ELAPOR1: variants seen among roughly 807,000 people sequenced by gnomAD.
ELAPOR1 encodes the protein endosome/lysosome-associated apoptosis and autophagy regulator 1.
Under a neutral mutation model 119.7 loss-of-function variants are expected in ELAPOR1, and 77 were observed. The ratio of observed to expected loss-of-function variants is 0.64; its 90% CI spans 0.54 to 0.78. ELAPOR1 has a LOEUF of 0.78. ELAPOR1 is among the 30% of genes least tolerant of loss of function. The pLI, the probability that ELAPOR1 is intolerant of heterozygous loss-of-function variation, is 0.00. For missense variants in ELAPOR1, 1,115 were observed against 1,270.4 expected, an observed-to-expected ratio of 0.88 and a Z score of 1.86; for synonymous variants, 481 against 487.2, an observed-to-expected ratio of 0.99 and a Z score of 0.17.
At chr1:109,137,378 A>G (rs2100991331) in intron 1 of ELAPOR1, among the ~76,000 whole-genome samples, 2 of 151,354 alleles carry the variant, frequency 1.3e-5, no homozygotes, top group South Asian at 4.2e-4. Flanking sequence ...TAATTTTTGT[A>G]TTTTTAGTAG....
chr1:109,137,143 C>A (rs1348315933), intron 1 of ELAPOR1, among the ~76,000 whole-genome samples: 1 of 152,076 alleles, frequency 6.6e-6, no homozygotes, highest in Non-Finnish European at 1.5e-5. Flanking sequence ...AGTTGCAAAC[C>A]CATGTCACTC....
chr1:109,174,751 T>C (rs1652159393), intron 7 of ELAPOR1, among the ~76,000 whole-genome samples: 2 of 151,896 alleles, frequency 1.3e-5, no homozygotes, highest in African/African-American at 4.8e-5. Context: ...AGTCTTTCTC[T>C]GTCGCCCAGG....
At chr1:109,175,771 G>A (rs1652235123) in intron 7 of ELAPOR1, among the ~76,000 whole-genome samples, 1 of 138,574 alleles carries the variant, frequency 7.2e-6, no homozygotes, top group Non-Finnish European at 1.5e-5. Flanking sequence ...AGGTTGCAGT[G>A]AGCAGAGATC....
chr1:109,190,627 C>G, intron 11 of ELAPOR1, among the ~76,000 whole-genome samples: 1 of 152,206 alleles, frequency 6.6e-6, no homozygotes, highest in East Asian at 1.9e-4. Context: ...ATGAATGAAG[C>G]CTGTGTTTGC....
rs950168066 is a variant in ELAPOR1 at position 109,192,474 on chromosome 1, A to G, written c.1684-137A>G. 4 of 938,348 alleles carry G rather than the reference A, an allele frequency of 4.3e-6. No homozygotes were observed. In the African/African-American group the frequency reaches 6.6e-5, roughly 15 times the overall value. 58.1% of individuals were successfully genotyped at this position (938,348 alleles called of 1,614,324 possible). A position where few individuals can be genotyped will look rare whatever the true frequency, so the allele number is the denominator to read the frequency against. Reference sequence around the variant, plus strand: ...ACGAAGAGCTACTGGTAAGTGAGTAAAAAGAGTCAGATGCTTCTCAGATTC... The same window carrying G: ...ACGAAGAGCTACTGGTAAGTGAGTAGAAAGAGTCAGATGCTTCTCAGATTC... On this transcript the variant is annotated intron_variant, in intron 13 of 21. Coordinates refer to ENST00000369939, the MANE Select transcript of ELAPOR1 (RefSeq NM_020775.5).
intron 20 of ELAPOR1, 125 bp downstream of exon 20, chr1:109,200,362 A>T: frequency 8.7e-7 from 1 of 1,144,690 alleles, no homozygotes; most frequent in Non-Finnish European, 1.2e-6. Context: ...TGACTTATCC[A>T]GTGCATGGTT....
chr1:109,131,258 CAGAG>C (rs1175420609), intron 1 of ELAPOR1, among the ~76,000 whole-genome samples: 1 of 152,150 alleles, frequency 6.6e-6, no homozygotes, highest in Admixed American at 6.6e-5. Flanking sequence ...AGCAGGTAAT[CAGAG>C]AGAGAGCAAG....
intron 7 of ELAPOR1, among the ~76,000 whole-genome samples, chr1:109,181,377 A>G (rs1157848742): frequency 1.3e-5 from 2 of 152,152 alleles, no homozygotes; most frequent in Non-Finnish European, 2.9e-5. Context: ...CACTCCCTCA[A>G]CCAAACACAG....
Position 109,144,061 on chromosome 1 carries a change from A to ATTTTTTTTTTTTTTTTTT in ELAPOR1, c.154-17818_154-17817insTTTTTTTTTTTTTTTTTT, listed in dbSNP as rs71069655. On this transcript the variant is annotated intron_variant, in intron 1 of 21. Coordinates refer to ENST00000369939, the MANE Select transcript of ELAPOR1 (RefSeq NM_020775.5). Reference sequence around the variant, plus strand: ...TATATATATATATATATATTTATATATTTTTTTTTTTTTTTGAGATGGAGT... The same window carrying ATTTTTTTTTTTTTTTTTT: ...TATATATATATATATATATTTATATATTTTTTTTTTTTTTTTTTTTTTTTTTTTTTTTTGAGATGGAGT... Among the ~76,000 whole-genome samples the ATTTTTTTTTTTTTTTTTT allele has an allele frequency of 2.0e-3, 180 of 88,950 alleles. 7 individuals carry two copies. Among genetic ancestry groups the ATTTTTTTTTTTTTTTTTT allele is most frequent in the African/African-American group, 4.8e-3 (99 of 20,716 alleles). 58.4% of individuals were successfully genotyped at this position (88,950 alleles called of 152,430 possible). A position where few individuals can be genotyped will look rare whatever the true frequency, so the allele number is the denominator to read the frequency against.
At chr1:109,134,797 G>A (rs1285948995) in intron 1 of ELAPOR1, among the ~76,000 whole-genome samples, 2 of 152,140 alleles carry the variant, frequency 1.3e-5, no homozygotes, top group Non-Finnish European at 2.9e-5. Flanking sequence ...TAGGTGGGAA[G>A]GCTGAAGCTG....
rs367914425 is a variant in ELAPOR1 at position 109,191,339 on chromosome 1, A to G, written c.1440-27A>G. On this transcript the variant is annotated intron_variant, in intron 11 of 21. Transcript: ENST00000369939. ...CAATAAGCACTGCCTGGCCTTTAGAACTGACTTTTAATTTCTGCCCCTACA... is the reference window on the plus strand; with the variant it reads ...CAATAAGCACTGCCTGGCCTTTAGAGCTGACTTTTAATTTCTGCCCCTACA... 7 of 1,549,788 alleles carry G rather than the reference A, an allele frequency of 4.5e-6. No homozygotes were observed. The African/African-American group carries it at 8.2e-5, about 18-fold the overall frequency.
At chr1:109,175,354 C>T (rs1184572601) in intron 7 of ELAPOR1, among the ~76,000 whole-genome samples, 1 of 150,960 alleles carries the variant, frequency 6.6e-6, no homozygotes, top group Non-Finnish European at 1.5e-5. Flanking sequence ...AGGCGTGCAC[C>T]ACCATGCCCA....
At chr1:109,129,116 A>C (rs1179088277) in intron 1 of ELAPOR1, among the ~76,000 whole-genome samples, 1 of 151,822 alleles carries the variant, frequency 6.6e-6, no homozygotes, top group Non-Finnish European at 1.5e-5. Flanking sequence ...TTCCTCTTAT[A>C]GTTTTAATTT....
At chr1:109,145,297 T>C (rs1650106818) in intron 1 of ELAPOR1, among the ~76,000 whole-genome samples, 1 of 152,142 alleles carries the variant, frequency 6.6e-6, no homozygotes, top group African/African-American at 2.4e-5. Flanking sequence ...ACATTTCTGT[T>C]CTTTAAAAAT....
chr1:109,148,185 C>T (rs999782828), intron 1 of ELAPOR1, among the ~76,000 whole-genome samples: 3 of 121,222 alleles, frequency 2.5e-5, no homozygotes, highest in Non-Finnish European at 5.6e-5. Flanking sequence ...GTCACACAGG[C>T]TGGAGTGCAG....
intron 7 of ELAPOR1, among the ~76,000 whole-genome samples, chr1:109,179,259 G>A (rs1001064389): frequency 3.3e-5 from 5 of 151,624 alleles, no homozygotes; most frequent in Admixed American, 6.6e-5. Flanking sequence ...AAAATTGGCC[G>A]GGCATGGTGG....
In ELAPOR1 at chr1:109,194,463, A is replaced by C; in HGVS notation, c.1990A>C (p.Thr664Pro). 6.2e-7 allele frequency: 1 copy of C among 1,613,756 alleles called. No homozygotes were observed. The highest frequency in any genetic ancestry group is 2.2e-5 in the East Asian group (1 of 44,864). Residue 664 changes from threonine to proline, a missense_variant, in exon 15 of 22, where the codon ACT becomes CCT. Coordinates refer to ENST00000369939, the MANE Select transcript of ELAPOR1 (RefSeq NM_020775.5). ...CYNDCTFSRN[T>P]PTRTFNYNFS... Reference sequence around the variant, plus strand: ...CAACGATTGCACCTTCTCACGCAACACTCCGACCAGGACTTTCAACTACAA... The same window carrying C: ...CAACGATTGCACCTTCTCACGCAACCCTCCGACCAGGACTTTCAACTACAA...
At chr1:109,128,287 A>T (rs1648924831) in intron 1 of ELAPOR1, among the ~76,000 whole-genome samples, 1 of 152,236 alleles carries the variant, frequency 6.6e-6, no homozygotes, top group South Asian at 2.1e-4. Flanking sequence ...CTGCTAATAC[A>T]AAATGAAAAG....
intron 1 of ELAPOR1, among the ~76,000 whole-genome samples, chr1:109,128,900 C>T (rs1005217021): frequency 2.6e-5 from 4 of 152,222 alleles, no homozygotes; most frequent in Admixed American, 2.6e-4. Context: ...GTGCCATTTC[C>T]CAGCTTATTA....
Sources: allele counts gnomAD v4.1 joint callset (sites outside exome capture counted in the v4.1 genomes callset), GRCh38; gene constraint gnomAD v4.1.1; transcripts MANE v1.5; gene names NCBI Gene and HGNC (gene_info 2026-07-23, HGNC 2026-07-21).